DIAPH2: variants seen among roughly 807,000 people sequenced by gnomAD.
DIAPH2 encodes the protein diaphanous related formin 2.
Under a neutral mutation model 92.7 loss-of-function variants are expected in DIAPH2, and 35 were observed. The ratio of observed to expected loss-of-function variants is 0.38; its 90% CI spans 0.29 to 0.50. The LOEUF (loss-of-function observed/expected upper bound fraction) is 0.50, where lower values mean the gene tolerates loss of function less well. Ranked by LOEUF, DIAPH2 falls within the 20% of genes least tolerant of loss-of-function variation. The pLI, the probability that DIAPH2 is intolerant of heterozygous loss-of-function variation, is 0.94. For synonymous variants in DIAPH2, 301 were observed against 280.4 expected, an observed-to-expected ratio of 1.07 and a Z score of -0.73; for missense variants, 701 against 819.5, an observed-to-expected ratio of 0.86 and a Z score of 1.77.
chrX:96,981,626 G>GAAAT (rs2065998405), intron 17 of DIAPH2, among the ~76,000 whole-genome samples: 1 of 111,901 alleles, frequency 8.9e-6, no homozygotes, highest in South Asian at 3.7e-4. Flanking sequence ...TACTGTTATT[G>GAAAT]AAATCATTTT....
At chrX:96,928,279 G>A in intron 9 of DIAPH2, among the ~76,000 whole-genome samples, 1 of 111,042 alleles carries the variant, frequency 9.0e-6, no homozygotes, top group Middle Eastern at 4.7e-3. Context: ...GGTGAATTAT[G>A]TAAAGGACCT....
At chrX:96,956,050 C>A (rs1211277390) in intron 15 of DIAPH2, among the ~76,000 whole-genome samples, 1 of 112,639 alleles carries the variant, frequency 8.9e-6, no homozygotes, top group African/African-American at 3.2e-5. Context: ...AGCAGAGATT[C>A]TCCATAAGGG....
At chrX:97,404,892 A>T (rs903890070) in intron 25 of DIAPH2, among the ~76,000 whole-genome samples, 1 of 112,359 alleles carries the variant, frequency 8.9e-6, no homozygotes, top group Non-Finnish European at 1.9e-5. Flanking sequence ...AGTTAATGAG[A>T]AAGTGCAAAC....
intron 13 of DIAPH2, among the ~76,000 whole-genome samples, chrX:96,943,585 C>T (rs1191997902): frequency 9.0e-6 from 1 of 111,113 alleles, no homozygotes; most frequent in Non-Finnish European, 1.9e-5. Flanking sequence ...AGTTAGGACA[C>T]ATACACTATT....
At chrX:97,369,123 G>A (rs1208190496) in intron 24 of DIAPH2, among the ~76,000 whole-genome samples, 1 of 109,788 alleles carries the variant, frequency 9.1e-6, no homozygotes, top group Non-Finnish European at 1.9e-5. Context: ...GGTCAGGCTG[G>A]TCTCGAACTC....
At chrX:97,588,995 A>AT (rs1247622122) in intron 26 of DIAPH2, among the ~76,000 whole-genome samples, 6 of 57,270 alleles carry the variant, frequency 1.0e-4, no homozygotes, top group Non-Finnish European at 1.2e-4. Flanking sequence ...GATATTATAG[A>AT]AATATATATA....
Position 97,302,915 on chromosome X carries a change from C to T in DIAPH2, c.2845-45201C>T, listed in dbSNP as rs770477467. On this transcript the variant is annotated intron_variant, in intron 23 of 26. Coordinates refer to ENST00000324765, the MANE Select transcript of DIAPH2 (RefSeq NM_006729.5). ...ATGAGAATCGCTTGAACCCAGGAGG[C>T]GGAGGTTGCAGTGAGCCGAGATCGC... Among the ~76,000 whole-genome samples the T allele has an allele frequency of 1.2e-4, 13 of 111,796 alleles. No individual in the cohort carries two copies. In the East Asian group the frequency reaches 3.7e-3, roughly 32 times the overall value.
intron 26 of DIAPH2, among the ~76,000 whole-genome samples, chrX:97,500,649 T>G (rs1410204661): frequency 9.3e-6 from 1 of 107,308 alleles, no homozygotes; most frequent in Non-Finnish European, 1.9e-5. Flanking sequence ...CTATCTATTA[T>G]TTCAGTTAAT....
intron 26 of DIAPH2, among the ~76,000 whole-genome samples, chrX:97,511,335 G>A (rs2070890486): frequency 1.2e-5 from 1 of 82,137 alleles, no homozygotes; most frequent in Admixed American, 1.3e-4. Context: ...GTATAAGAAT[G>A]CTTGTGATTT....
At chrX:97,277,077 C>T (rs2068457801) in intron 23 of DIAPH2, among the ~76,000 whole-genome samples, 1 of 112,517 alleles carries the variant, frequency 8.9e-6, no homozygotes, top group African/African-American at 3.2e-5. Flanking sequence ...TGGCTCACAC[C>T]TGTAATCCCA....
chrX:97,512,202 A>G (rs2070901100), intron 26 of DIAPH2, among the ~76,000 whole-genome samples: 2 of 113,461 alleles, frequency 1.8e-5, no homozygotes, highest in African/African-American at 6.5e-5. Flanking sequence ...TTATTGGTCT[A>G]CTCAGAGATT....
intron 22 of DIAPH2, among the ~76,000 whole-genome samples, chrX:97,236,424 A>G (rs1197668663): frequency 8.9e-6 from 1 of 111,973 alleles, no homozygotes; most frequent in Admixed American, 9.5e-5. Context: ...TGTGGAAGAC[A>G]GTATCTATTC....
At chrX:97,452,933 G>A (rs1569401321) in intron 26 of DIAPH2, among the ~76,000 whole-genome samples, 1 of 111,489 alleles carries the variant, frequency 9.0e-6, no homozygotes, top group Non-Finnish European at 1.9e-5. Context: ...GAAGTGTACT[G>A]CCATCATATA....
At chrX:97,511,995 C>G (rs1361427688) in intron 26 of DIAPH2, among the ~76,000 whole-genome samples, 2 of 113,539 alleles carry the variant, frequency 1.8e-5, no homozygotes, top group African/African-American at 6.5e-5. Flanking sequence ...CTCTGCCAGG[C>G]TTTGGTATCA....
At chrX:97,562,976 T>G (rs955639037) in intron 26 of DIAPH2, among the ~76,000 whole-genome samples, 3 of 112,339 alleles carry the variant, frequency 2.7e-5, no homozygotes, top group Non-Finnish European at 5.6e-5. Context: ...TATAATAGAA[T>G]TTCACAATCT....
At chrX:97,380,484 C>T (rs1054904426) in intron 24 of DIAPH2, among the ~76,000 whole-genome samples, 58 of 111,592 alleles carry the variant, frequency 5.2e-4, no homozygotes, top group African/African-American at 1.8e-3. Flanking sequence ...CTTAACCTGA[C>T]CTTAAATTTG....
chrX:96,873,282 G>C (rs945353296), intron 4 of DIAPH2, among the ~76,000 whole-genome samples: 1 of 111,287 alleles, frequency 9.0e-6, no homozygotes, highest in Non-Finnish European at 1.9e-5. Flanking sequence ...CAGATTATTA[G>C]TTTTTTTCCT....
At chrX:96,936,101 C>T (rs1419405779) in intron 10 of DIAPH2, among the ~76,000 whole-genome samples, 1 of 111,434 alleles carries the variant, frequency 9.0e-6, no homozygotes, top group African/African-American at 3.3e-5. Context: ...AAAAATGAAA[C>T]CAAATATAAA....
rs758643587 is a variant in DIAPH2, at chrX:96,994,962, G to A, written c.2050+29755G>A. 1.9e-4 allele frequency among the ~76,000 whole-genome samples: 21 copies of A among 111,149 alleles called. No individual in the cohort carries two copies. In the East Asian group the frequency reaches 4.8e-3, roughly 25 times the overall value. ...CAAAGCCTAACCATATCAATTACCT[G>A]AAGAAGAACTGTAGAAAGAGAAAAA... On this transcript the variant is annotated intron_variant, in intron 17 of 26. Transcript: ENST00000324765.
Sources: gnomAD v4.1 joint callset for allele counts (sites outside exome capture counted in the v4.1 genomes callset) on GRCh38, gnomAD v4.1.1 for gene constraint, MANE v1.5 for transcripts, NCBI Gene and HGNC (gene_info 2026-07-23, HGNC 2026-07-21) for gene names.